CFAP77: variants seen among roughly 807,000 people sequenced by gnomAD.
CFAP77 encodes cilia and flagella associated protein 77.
CFAP77 carries 25 observed loss-of-function variants against 31.1 expected under a neutral mutation model. The ratio of observed to expected loss-of-function variants is 0.80; its 90% CI spans 0.59 to 1.12. The LOEUF (loss-of-function observed/expected upper bound fraction) is 1.12. Among genes scored for constraint, CFAP77 ranks in the 50% most tolerant of loss-of-function variants. CFAP77 has a pLI of 0.00. For missense variants in CFAP77, 377 were observed against 397.3 expected (o/e 0.95, Z 0.44); for synonymous variants, 151 against 159.9 (o/e 0.94, Z 0.42).
At chr9:132,500,465 A>T (rs112111891) in intron 3 of CFAP77, among the ~76,000 whole-genome samples, 93 of 152,332 alleles carry the variant, frequency 6.1e-4, no homozygotes, top group Non-Finnish European at 1.2e-3. Flanking sequence ...TCATGTTAAG[A>T]TATGATGTAA....
intron 1 of CFAP77, among the ~76,000 whole-genome samples, chr9:132,469,274 G>A (rs941984192): frequency 8.5e-5 from 13 of 152,134 alleles, no homozygotes; most frequent in Non-Finnish European, 1.2e-4. Context: ...AGCAGATAAA[G>A]GCATGATAAA....
Position 132,499,619 on chromosome 9 carries a change from A to C in CFAP77, c.524+19A>C. ...GGGCACGGTAAGGTGGCTGGCAGCC[A>C]GGGCTTCATCCCTTGAGGGGGTGGA... On this transcript the variant is annotated intron_variant, in intron 3 of 5. Transcript: ENST00000393216. The surrounding 1 kb of genome is among the most constrained non-coding windows in gnomAD (Gnocchi z 5.4). The C allele has an allele frequency of 6.2e-7, 1 of 1,611,842 alleles. No individual in the cohort carries two copies. The highest frequency in any genetic ancestry group is 8.5e-7 in the Non-Finnish European group (1 of 1,177,944).
Position 132,513,335 on chromosome 9 carries a change from G to A in CFAP77, c.524+13735G>A, listed in dbSNP as rs771296683. ...TGAACCCACTACCTGGATTTAGCAC[G>A]CTAACCATCTGGCCGCTTTCGCTTC... On this transcript the variant is annotated intron_variant, in intron 3 of 5. Coordinates refer to ENST00000393216, the MANE Select transcript of CFAP77 (RefSeq NM_001282957.2). The A allele has an allele frequency of 1.4e-5, 22 of 1,545,544 alleles. No individual in the cohort carries two copies. In the African/African-American group the frequency reaches 1.6e-4, roughly 12 times the overall value.
intron 5 of CFAP77, among the ~76,000 whole-genome samples, chr9:132,549,841 A>AAAACAAAC (rs3028240): frequency 1.3e-4 from 20 of 150,964 alleles, no homozygotes; most frequent in South Asian, 2.1e-4. Flanking sequence ...TCTGTCTGAA[A>AAAACAAAC]AAACAAACAA....
At chr9:132,473,397 C>A (rs79271883) in intron 1 of CFAP77, among the ~76,000 whole-genome samples, 139 of 152,322 alleles carry the variant, frequency 9.1e-4, no homozygotes, top group African/African-American at 3.3e-3. Context: ...CCCTATTTTA[C>A]AGCTGGGGAG....
At chr9:132,454,868 G>A (rs771441203) in intron 1 of CFAP77, among the ~76,000 whole-genome samples, 4 of 152,156 alleles carry the variant, frequency 2.6e-5, no homozygotes, top group African/African-American at 7.2e-5. Flanking sequence ...ACTTCAATCA[G>A]TCAGTGACTT....
chr9:132,489,616 T>C (rs1851620138), intron 1 of CFAP77, among the ~76,000 whole-genome samples: 1 of 152,238 alleles, frequency 6.6e-6, no homozygotes, highest in African/African-American at 2.4e-5. Flanking sequence ...ATGTTGATCC[T>C]GTTCCTTGTT....
chr9:132,551,263 G>A (rs1048943617), intron 5 of CFAP77, among the ~76,000 whole-genome samples: 1 of 151,484 alleles, frequency 6.6e-6, no homozygotes, highest in African/African-American at 2.4e-5. Flanking sequence ...ACTCCTTCTT[G>A]GGTGCCAGCC....
intron 1 of CFAP77, among the ~76,000 whole-genome samples, chr9:132,412,192 G>A (rs1377146567): frequency 1.3e-5 from 2 of 152,156 alleles, no homozygotes; most frequent in African/African-American, 4.8e-5. Flanking sequence ...CCCACGACTG[G>A]GGTTCTGTCT....
At chr9:132,532,282 G>A (rs28642048) in intron 3 of CFAP77, among the ~76,000 whole-genome samples, 1 of 152,220 alleles carries the variant, frequency 6.6e-6, no homozygotes, top group African/African-American at 2.4e-5. Context: ...GCACGGCCAG[G>A]ACCCAGGGAG....
chr9:132,432,641 C>T (rs11243775), intron 1 of CFAP77, among the ~76,000 whole-genome samples: 15,875 of 151,840 alleles, frequency 0.1, 1,168 homozygotes, highest in East Asian at 0.29. Flanking sequence ...AAGCAATTCT[C>T]CTGCCTCAGC....
intron 1 of CFAP77, among the ~76,000 whole-genome samples, chr9:132,443,166 A>G (rs1423938784): frequency 6.6e-6 from 1 of 151,884 alleles, no homozygotes; most frequent in Non-Finnish European, 1.5e-5. Flanking sequence ...ATAATACTCA[A>G]TTGTATAGAT....
At chr9:132,538,681 G>T (rs1852587825) in intron 4 of CFAP77, among the ~76,000 whole-genome samples, 2 of 152,334 alleles carry the variant, frequency 1.3e-5, no homozygotes, top group East Asian at 1.9e-4. Context: ...AGGAGGCTGA[G>T]GCAGGAGAAT....
chr9:132,509,270 G>A (rs1049703337), intron 3 of CFAP77, among the ~76,000 whole-genome samples: 1 of 152,238 alleles, frequency 6.6e-6, no homozygotes, highest in African/African-American at 2.4e-5. Context: ...ACTCTGTCCA[G>A]GCAGCTTACA....
chr9:132,435,043 G>A (rs1450300844), intron 1 of CFAP77, among the ~76,000 whole-genome samples: 1 of 152,190 alleles, frequency 6.6e-6, no homozygotes, highest in Non-Finnish European at 1.5e-5. Context: ...GTTCAAAGAC[G>A]CTTAACATGG....
At position 132,501,528 on chromosome 9, in the gene CFAP77, G is replaced by A. The variant is rs1165879166; in HGVS notation, c.524+1928G>A. 3.3e-5 allele frequency among the ~76,000 whole-genome samples: 5 copies of A among 151,722 alleles called. No individual in the cohort carries two copies. Among genetic ancestry groups the A allele is most frequent in the East Asian group, 1.9e-4 (1 of 5,130 alleles). ...AGTGATTCTCCTGCCTCAGCCTCCC[G>A]AGTAGCTGGGACTACAGGCGTGCAC... On this transcript the variant is annotated intron_variant, in intron 3 of 5. Transcript: ENST00000393216. This position sits in a 1 kb window ranked among gnomAD's most constrained non-coding sequence, Gnocchi z 4.6.
chr9:132,511,473 C>T lies in CFAP77; in HGVS notation c.524+11873C>T, dbSNP rs1852038329. Among the ~76,000 whole-genome samples, 1 of 152,224 alleles carries T rather than the reference C, an allele frequency of 6.6e-6. No homozygotes were observed. Among genetic ancestry groups the T allele is most frequent in the African/African-American group, 2.4e-5 (1 of 41,458 alleles). ...AGTGGGGCGGGCCTGGTGTTGCCCA[C>T]TCCTCCTTCCCCAGTGCCAAGCATG... On this transcript the variant is annotated intron_variant, in intron 3 of 5. Coordinates refer to ENST00000393216, the MANE Select transcript of CFAP77 (RefSeq NM_001282957.2). The surrounding 1 kb of genome is among the most constrained non-coding windows in gnomAD (Gnocchi z 5.8).
intron 5 of CFAP77, among the ~76,000 whole-genome samples, chr9:132,567,098 G>A (rs769331716): frequency 4.6e-5 from 7 of 152,172 alleles, no homozygotes; most frequent in African/African-American, 1.2e-4. Flanking sequence ...AATTCACTCC[G>A]TGAGATTCCA....
At chr9:132,484,649 G>A (rs766723306) in intron 1 of CFAP77, among the ~76,000 whole-genome samples, 9 of 152,046 alleles carry the variant, frequency 5.9e-5, no homozygotes, top group Non-Finnish European at 1.2e-4. Context: ...GACGTGGTGT[G>A]GTTTCTGTCT....
Sources: gnomAD v4.1 joint callset for allele counts (sites outside exome capture counted in the v4.1 genomes callset) on GRCh38, gnomAD v4.1.1 for gene constraint, Gnocchi (gnomAD v3.1) non-coding constraint, MANE v1.5 for transcripts, NCBI Gene and HGNC (gene_info 2026-07-23, HGNC 2026-07-21) for gene names.